The following CCDC74A variants were observed in gnomAD, a reference collection of about 807,000 sequenced individuals.
CCDC74A encodes the protein coiled-coil domain containing 74A, also known as coiled-coil domain-containing protein 74A.
In CCDC74A, 38 loss-of-function variants were observed where a neutral mutation model predicts 37.6. The observed-to-expected ratio is 1.01, with a 90% CI of 0.78 to 1.33. The LOEUF (loss-of-function observed/expected upper bound fraction) is 1.33. CCDC74A is among the 40% of genes most tolerant of loss of function. The pLI, the probability that CCDC74A is intolerant of heterozygous loss-of-function variation, is 0.00. For missense variants in CCDC74A, 340 were observed against 403.4 expected (o/e 0.84, Z 1.35); for synonymous variants, 134 against 165.2 (o/e 0.81, Z 1.45).
chr2:131,529,894 G>A (rs572382534), intron 2 of CCDC74A: 65 of 1,495,674 alleles, frequency 4.3e-5, no homozygotes, highest in East Asian at 2.7e-4. Flanking sequence ...TGCTGCTCTC[G>A]GGAAGCCCAG....
upstream of CCDC74A, among the ~76,000 whole-genome samples, chr2:131,526,136 CTTTTTTTTCCTTTTT>C (rs1680307074): frequency 7.3e-6 from 1 of 137,496 alleles, no homozygotes; most frequent in African/African-American, 2.6e-5. Context: ...ATTTTCTTTT[CTTTTTTTTCCTTTTT>C]TTTTTTTTTT....
At position 131,530,245 on chromosome 2, in the gene CCDC74A, C is replaced by A. The variant is rs759351857; in HGVS notation, c.296-532C>A. 329 of 1,546,548 alleles carry A rather than the reference C, an allele frequency of 2.1e-4. 2 individuals carry two copies. The highest frequency in any genetic ancestry group is 4.1e-4 in the South Asian group (34 of 83,214). On this transcript the variant is annotated intron_variant, in intron 2 of 7. Coordinates refer to ENST00000409856, the MANE Select transcript of CCDC74A (RefSeq NM_001258306.3). ...CAGCGGCCCCCACCCAGCCCAGGAT[C>A]CTGGGCTGTGGTCTCAAGCTCACTT...
At chr2:131,533,190 T>C in intron 7 of CCDC74A, 79 bp from the exon 8 acceptor site, 6 of 1,607,682 alleles carry the variant, frequency 3.7e-6, no homozygotes, top group Non-Finnish European at 5.1e-6. Flanking sequence ...TGTGCCCCCG[T>C]GAGGGCCATG....
At chr2:131,531,239 A>C (rs572238988) in intron 3 of CCDC74A, among the ~76,000 whole-genome samples, 17 of 152,196 alleles carry the variant, frequency 1.1e-4, no homozygotes, top group African/African-American at 4.1e-4. Context: ...CTGCAGAGTG[A>C]GCCGGGAGCA....
chr2:131,522,917 T>C (rs1680171844), upstream of CCDC74A, among the ~76,000 whole-genome samples: 1 of 152,126 alleles, frequency 6.6e-6, no homozygotes. Flanking sequence ...GAGAACTCTC[T>C]GTTTTGAGAC....
At chr2:131,522,784 C>A (rs1380436486), upstream of CCDC74A, among the ~76,000 whole-genome samples, 1 of 152,318 alleles carries the variant, frequency 6.6e-6, no homozygotes, top group South Asian at 2.1e-4. Context: ...AAGCAACTCA[C>A]AAGCAGAGGC....
At chr2:131,525,819 C>T (rs1015793610), upstream of CCDC74A, among the ~76,000 whole-genome samples, 5 of 148,206 alleles carry the variant, frequency 3.4e-5, no homozygotes, top group Admixed American at 6.8e-5. Context: ...CCCGGGTTCA[C>T]GCCATTCTCC....
At chr2:131,524,080 T>C (rs182337497), upstream of CCDC74A, among the ~76,000 whole-genome samples, 132 of 152,302 alleles carry the variant, frequency 8.7e-4, no homozygotes, top group African/African-American at 2.6e-3. Flanking sequence ...AAACTTGCTT[T>C]GGTCTCTTTT....
chr2:131,524,236 A>G (rs369716104), upstream of CCDC74A, among the ~76,000 whole-genome samples: 3 of 152,138 alleles, frequency 2.0e-5, no homozygotes, highest in East Asian at 1.9e-4. Flanking sequence ...TGCTAACACA[A>G]TAACACTGGG....
intron 1 of CCDC74A, 175 bp from the exon 2 acceptor site, chr2:131,529,472 C>T (rs1257524073): frequency 1.2e-6 from 1 of 845,446 alleles, no homozygotes; most frequent in Non-Finnish European, 2.0e-6. Context: ...CCATTCCTGG[C>T]CTGACACCCA....
chr2:131,528,147 C>G lies in CCDC74A; in HGVS notation c.177C>G (p.Phe59Leu), dbSNP rs144545182. 1.5e-4 allele frequency: 250 copies of G among 1,613,924 alleles called. No homozygotes were observed. In the African/African-American group the frequency reaches 2.9e-3, roughly 19 times the overall value. ...RNLDLEKSLQ[F>L]LQQQHSEMLA... ...TGGACCTGGAGAAAAGCCTGCAGTT[C>G]CTGCAGCAGCAGCACTCGGAGATGC... The change falls in exon 1 of 8, where the codon TTC becomes TTG. Residue 59 changes from phenylalanine to leucine, a missense_variant. Phe to Leu is a conservative substitution (Grantham distance 22). This residue lies in a region of CCDC74A where 154 missense variants were observed against 153.9 expected (regional missense o/e 1.00). Coordinates refer to ENST00000409856, the MANE Select transcript of CCDC74A (RefSeq NM_001258306.3).
intron 2 of CCDC74A, chr2:131,530,087 T>A (rs1338380733): frequency 6.5e-7 from 1 of 1,550,234 alleles, no homozygotes; most frequent in African/African-American, 1.4e-5. Context: ...CCTCACATGC[T>A]GGGGGCCCAG....
At chr2:131,528,549 G>T in intron 1 of CCDC74A, 1 of 1,096,960 alleles carries the variant, frequency 9.1e-7, no homozygotes, top group Non-Finnish European at 1.4e-6. Flanking sequence ...GGCGGCTCAC[G>T]CCTGTAATTC....
In CCDC74A at chr2:131,532,608, T is replaced by G; in HGVS notation, c.505T>G (p.Ser169Ala). 6.3e-7 allele frequency: 1 copy of G among 1,597,396 alleles called. No individual in the cohort carries two copies. Among genetic ancestry groups the G allele is most frequent in the Non-Finnish European group, 8.5e-7 (1 of 1,172,366 alleles). Residue 169 changes from serine (S) to alanine (A), a missense_variant, in exon 5 of 8, where the codon TCT becomes GCT. This residue lies in a region of CCDC74A where 185 missense variants were observed against 231.5 expected (regional missense o/e 0.80). Transcript: ENST00000409856. ...GQARKEKAEASNAGAACMGNS... is the reference protein window; with the variant it reads ...GQARKEKAEAANAGAACMGNS... Reference sequence around the variant, plus strand: ...TTTCAGAAAGGAGAAAGCAGAGGCCTCTAATGCAGGAGCTGCCTGTATGGG... The same window carrying G: ...TTTCAGAAAGGAGAAAGCAGAGGCCGCTAATGCAGGAGCTGCCTGTATGGG...
Position 131,528,098 on chromosome 2 carries a change from A to C in CCDC74A, c.128A>C (p.Gln43Pro). 1.9e-6 allele frequency: 3 copies of C among 1,613,520 alleles called. No individual in the cohort carries two copies. Residue 43 changes from glutamine to proline, a missense_variant, in exon 1 of 8, where the codon CAG (glutamine) becomes CCG (proline). Gln to Pro is a moderately conservative substitution (Grantham distance 76). This residue lies in a region of CCDC74A where 154 missense variants were observed against 153.9 expected (regional missense o/e 1.00). Transcript: ENST00000409856. ...AGGCCGCAGAGCCCGCAGCTCAGGC[A>C]GAGCGACCCGCAGAAACGGAACCTG... ...SLRPQSPQLR[Q>P]SDPQKRNLDL... is the part of the protein sequence containing the mutation.
upstream of CCDC74A, among the ~76,000 whole-genome samples, chr2:131,526,384 T>C (rs1290675382): frequency 6.6e-6 from 1 of 152,136 alleles, no homozygotes; most frequent in Non-Finnish European, 1.5e-5. Flanking sequence ...TGACCTCAAA[T>C]GATCTGCCCA....
At chr2:131,530,584 C>T (rs1438036065) in intron 2 of CCDC74A, 193 bp from the exon 3 acceptor site, 6 of 1,608,370 alleles carry the variant, frequency 3.7e-6, no homozygotes, top group Admixed American at 1.7e-5. Flanking sequence ...TCCAGATGGC[C>T]CCTCAGGAAA....
intron 2 of CCDC74A, chr2:131,530,381 G>T: frequency 1.3e-6 from 2 of 1,548,820 alleles, no homozygotes; most frequent in Non-Finnish European, 1.7e-6. Flanking sequence ...CCTTCCCAGG[G>T]AGACATGGAG....
chr2:131,526,338 G>T (rs1271378165), upstream of CCDC74A, among the ~76,000 whole-genome samples: 3 of 151,742 alleles, frequency 2.0e-5, no homozygotes, highest in Non-Finnish European at 4.4e-5. Flanking sequence ...GTAGAGATGG[G>T]ATATCACCAT....
Sources: gnomAD v4.1 joint callset for allele counts (sites outside exome capture counted in the v4.1 genomes callset) on GRCh38, gnomAD v4.1.1 for gene constraint, gnomAD v4.1.1 regional missense constraint, MANE v1.5 for transcripts, NCBI Gene and HGNC (gene_info 2026-07-23, HGNC 2026-07-21) for gene names.